The following ADRA2B variants were observed in gnomAD, a reference collection of about 807,000 sequenced individuals.
The protein encoded by ADRA2B is adrenoceptor alpha 2B.
Under a neutral mutation model 14.4 loss-of-function variants are expected in ADRA2B, and 14 were observed. The ratio of observed to expected loss-of-function variants is 0.97; its 90% CI spans 0.64 to 1.52. The LOEUF is 1.52. Among genes scored for constraint, ADRA2B ranks in the 40% most tolerant of loss-of-function variants. The pLI, the probability that ADRA2B is intolerant of heterozygous loss-of-function variation, is 0.00. For synonymous variants in ADRA2B, 250 were observed against 263.7 expected, an observed-to-expected ratio of 0.95 and a Z score of 0.50; for missense variants, 606 against 603.2, an observed-to-expected ratio of 1.00 and a Z score of -0.05.
chr2:96,114,581 AG>A lies in ADRA2B; in HGVS notation c.*215del. 1 of 1,407,328 alleles carries A rather than the reference AG, an allele frequency of 7.1e-7. No homozygotes were observed. Among genetic ancestry groups the A allele is most frequent in the South Asian group, 1.6e-5 (1 of 63,798 alleles). The allele number at this position is 1,407,328 out of a possible 1,614,324, so 87.2% of individuals were successfully genotyped here. A position where few individuals can be genotyped will look rare whatever the true frequency, so the allele number is the denominator to read the frequency against. On this transcript the variant is annotated 3_prime_UTR_variant, in exon 1 of 1. Coordinates refer to ENST00000620793, the MANE Select transcript of ADRA2B (RefSeq NM_000682.7). The stretch of plus-strand genomic sequence containing the variant: ...CCTGTGCTCAGGGAGAGGGTGGAGA[AG>A]GGGTCCCCCACAGCTAAGCCGGCAA...
At position 96,113,573 on chromosome 2, in the gene ADRA2B, C is replaced by T. The variant is rs1050102730; in HGVS notation, c.*1224G>A. ...TGGGGGCGCTGCCACCTGTCACAGG[C>T]TCTCATCTTAGACTGTTGCCGAGGT... On this transcript the variant is annotated 3_prime_UTR_variant, in exon 1 of 1. Transcript: ENST00000620793. 3.0e-5 allele frequency: 5 copies of T among 166,218 alleles called. No individual in the cohort carries two copies. The highest frequency in any genetic ancestry group is 1.2e-4 in the African/African-American group (5 of 42,064). 10.3% of individuals were successfully genotyped at this position (166,218 alleles called of 1,614,324 possible).
In ADRA2B at chr2:96,114,045, G is replaced by A; in HGVS notation, c.*752C>T. 1 of 985,864 alleles carries A rather than the reference G, an allele frequency of 1.0e-6. No homozygotes were observed. Among genetic ancestry groups the A allele is most frequent in the Non-Finnish European group, 1.2e-6 (1 of 829,950 alleles). The allele number at this position is 985,864 out of a possible 1,614,324, so 61.1% of individuals were successfully genotyped here. On this transcript the variant is annotated 3_prime_UTR_variant, in exon 1 of 1. Transcript: ENST00000620793. Reference sequence around the variant, plus strand: ...ATTGTCGCCCCGATTTTTGCAGGGGGTGAATGCCAGTGATCGGGGATCTCC... The same window carrying A: ...ATTGTCGCCCCGATTTTTGCAGGGGATGAATGCCAGTGATCGGGGATCTCC...
rs1479090340 is a variant in ADRA2B, at chr2:96,116,563, C to A, written c.-414G>T. ...CAGGCTTTCGCCCCAGCCGCGCCTG[C>A]AGGGGAGTGGGGAGCGGGGAGAGCG... On this transcript the variant is annotated 5_prime_UTR_variant, in exon 1 of 1. Coordinates refer to ENST00000620793, the MANE Select transcript of ADRA2B (RefSeq NM_000682.7). 6.6e-6 allele frequency among the ~76,000 whole-genome samples: 1 copy of A among 152,104 alleles called. No individual in the cohort carries two copies. Among genetic ancestry groups the A allele is most frequent in the Non-Finnish European group, 1.5e-5 (1 of 67,986 alleles).
At position 96,114,908 on chromosome 2, in the gene ADRA2B, G is replaced by A. The variant is rs541934198; in HGVS notation, c.1242C>T (p.Ile414=). 6.9e-5 allele frequency: 111 copies of A among 1,614,004 alleles called. No homozygotes were observed. In the South Asian group the frequency reaches 1.0e-3, roughly 15 times the overall value. The change falls in exon 1 of 1, where the codon ATC becomes ATT. Residue 414 remains isoleucine (I), a synonymous_variant. Coordinates refer to ENST00000620793, the MANE Select transcript of ADRA2B (RefSeq NM_000682.7). ...GGTTCAGTGAGCTGTTGCAGTAGCC[G>A]ATCCAGAAGAAGAACTGGAAGAGGC... ...PHGLFQFFFW[I]GYCNSSLNPV...
rs760448500 is a variant in ADRA2B at position 96,115,859 on chromosome 2, G to C, written c.291C>G (p.Thr97=). The change falls in exon 1 of 1, where the codon ACC becomes ACG. Residue 97 remains threonine, a synonymous_variant. Transcript: ENST00000620793. ...TGGCGCACAGGTGCACGATGGACGA[G>C]GTGCAGAAGAGCACGTCGAGCGCCA... The part of the protein sequence containing the change: ...VYLALDVLFC[T]SSIVHLCAIS... 1.8e-5 allele frequency: 29 copies of C among 1,613,522 alleles called. No homozygotes were observed. The highest frequency in any genetic ancestry group is 2.4e-5 in the Non-Finnish European group (28 of 1,179,752).
rs1367471314 is a variant in ADRA2B at position 96,114,452 on chromosome 2, G to A, written c.*345C>T. 3 of 1,061,294 alleles carry A rather than the reference G, an allele frequency of 2.8e-6. No homozygotes were observed. Among genetic ancestry groups the A allele is most frequent in the Admixed American group, 4.8e-5 (1 of 20,818 alleles). The allele number at this position is 1,061,294 out of a possible 1,614,324, so 65.7% of individuals were successfully genotyped here. On this transcript the variant is annotated 3_prime_UTR_variant, in exon 1 of 1. Coordinates refer to ENST00000620793, the MANE Select transcript of ADRA2B (RefSeq NM_000682.7). Reference sequence around the variant, plus strand: ...AGGAACACAAGGTCCTCAAGAAAGGGAAGCCCAGACATTGGTCTGGAGAGC... The same window carrying A: ...AGGAACACAAGGTCCTCAAGAAAGGAAAGCCCAGACATTGGTCTGGAGAGC...
rs768718519 is a variant in ADRA2B at position 96,115,838 on chromosome 2, G to T, written c.312C>A (p.Cys104Ter). 43 of 1,613,154 alleles carry T rather than the reference G, an allele frequency of 2.7e-5. No individual in the cohort carries two copies. Among genetic ancestry groups the T allele is most frequent in the Non-Finnish European group, 3.1e-5 (37 of 1,179,692 alleles). ...CCCAGTAGCGGTCCAGGCTGATGGC[G>T]CACAGGTGCACGATGGACGAGGTGC... The part of the protein sequence containing the change: ...LFCTSSIVHL[C>*]AISLDRYWAV... Residue 104 changes from cysteine (C) to a stop codon, truncating the protein, a stop_gained, in exon 1 of 1, where the codon TGC (cysteine) becomes TGA (stop). Coordinates refer to ENST00000620793, the MANE Select transcript of ADRA2B (RefSeq NM_000682.7). LOFTEE classifies it low-confidence loss of function (END_TRUNC).
At position 96,113,363 on chromosome 2, in the gene ADRA2B, T is replaced by A. The variant is rs1681792719; in HGVS notation, c.*1434A>T. 2.6e-6 allele frequency: 1 copy of A among 387,868 alleles called. No homozygotes were observed. The highest frequency in any genetic ancestry group is 4.6e-6 in the Non-Finnish European group (1 of 219,778). The allele number at this position is 387,868 out of a possible 1,614,324, so 24.0% of individuals were successfully genotyped here. A position where few individuals can be genotyped will look rare whatever the true frequency, so the allele number is the denominator to read the frequency against. ...ACTGAGAACCAGGAAGCAGGGGTCC[T>A]CAATGCACAGCCCCATCAGCATTGC... On this transcript the variant is annotated 3_prime_UTR_variant, in exon 1 of 1. Coordinates refer to ENST00000620793, the MANE Select transcript of ADRA2B (RefSeq NM_000682.7).
Position 96,115,937 on chromosome 2 carries a change from G to A in ADRA2B, c.213C>T (p.Ala71=). The A allele has an allele frequency of 6.2e-7, 1 of 1,613,818 alleles. No individual in the cohort carries two copies. Among genetic ancestry groups the A allele is most frequent in the Non-Finnish European group, 8.5e-7 (1 of 1,179,918 alleles). ...AGTACCAGTAGCCCAGCAGCTCGTT[G>A]GCCAGCGAGAAAGGGATGATGAGCG... ...VATLIIPFSL[A]NELLGYWYFR... Residue 71 remains alanine (A), a synonymous_variant, in exon 1 of 1, where the codon GCC becomes GCT. Transcript: ENST00000620793.
chr2:96,115,760 C>T lies in ADRA2B; in HGVS notation c.390G>A (p.Lys130=), dbSNP rs1223290326. 3 of 1,612,854 alleles carry T rather than the reference C, an allele frequency of 1.9e-6. No individual in the cohort carries two copies. Among genetic ancestry groups the T allele is most frequent in the East Asian group, 4.5e-5 (2 of 44,868 alleles). Residue 130 remains lysine, a synonymous_variant, in exon 1 of 1, where the codon AAG becomes AAA. Coordinates refer to ENST00000620793, the MANE Select transcript of ADRA2B (RefSeq NM_000682.7). ...YNSKRTPRRI[K]CIILTVWLIA... is the part of the protein sequence containing the mutation. Reference sequence around the variant, plus strand: ...TGAGCCACACAGTGAGGATGATGCACTTGATGCGGCGCGGGGTGCGCTTGG... The same window carrying T: ...TGAGCCACACAGTGAGGATGATGCATTTGATGCGGCGCGGGGTGCGCTTGG...
chr2:96,115,572 A>G lies in ADRA2B; in HGVS notation c.578T>C (p.Leu193Pro). Residue 193 changes from leucine (L) to proline (P), a missense_variant, in exon 1 of 1, where the codon CTG (leucine) becomes CCG (proline). Physicochemically the swap from Leu to Pro is moderately conservative, Grantham distance 98. Coordinates refer to ENST00000620793, the MANE Select transcript of ADRA2B (RefSeq NM_000682.7). ...GCGTTTGGCGATCAGGTAGATGCGC[A>G]GGTAGACAAGGATCATGATGAGGCA... is the stretch of plus-strand genomic sequence containing the variant. The part of the protein sequence containing the change: ...APCLIMILVY[L>P]RIYLIAKRSN... The G allele has an allele frequency of 1.2e-6, 2 of 1,613,920 alleles. No homozygotes were observed. Among genetic ancestry groups the G allele is most frequent in the East Asian group, 2.2e-5 (1 of 44,876 alleles).
Position 96,113,944 on chromosome 2 carries a change from T to C in ADRA2B, c.*853A>G. 3.0e-6 allele frequency: 3 copies of C among 985,878 alleles called. No homozygotes were observed. The highest frequency in any genetic ancestry group is 3.6e-6 in the Non-Finnish European group (3 of 829,942). The allele number at this position is 985,878 out of a possible 1,614,324, so 61.1% of individuals were successfully genotyped here. The stretch of plus-strand genomic sequence containing the variant: ...CACCATATAATCACATTTTTGGTTC[T>C]CTAGTGTGTTCCCCCACAGAGCTCA... On this transcript the variant is annotated 3_prime_UTR_variant, in exon 1 of 1. Transcript: ENST00000620793.
chr2:96,114,650 ACCCCTC>A lies in ADRA2B; in HGVS notation c.*141_*146del, dbSNP rs1681820491. ...ACCCTTGCTAGCAGCCCCCCTGCCC[ACCCCTC>A]CCAAGGGGTTCCTAAGATGAGGCCT... On this transcript the variant is annotated 3_prime_UTR_variant, in exon 1 of 1. Coordinates refer to ENST00000620793, the MANE Select transcript of ADRA2B (RefSeq NM_000682.7). 1 of 1,430,030 alleles carries A rather than the reference ACCCCTC, an allele frequency of 7.0e-7. No individual in the cohort carries two copies. Among genetic ancestry groups the A allele is most frequent in the African/African-American group, 1.4e-5 (1 of 69,528 alleles). The allele number at this position is 1,430,030 out of a possible 1,614,324, so 88.6% of individuals were successfully genotyped here.
Position 96,115,148 on chromosome 2 carries a change from C to G in ADRA2B, c.1002G>C (p.Arg334=). ...CCTGGCCACGTAGGGTGGCCAGCACCCGGGAGCCCTGTGGCTGCTGCAGCG... is the reference window on the plus strand; with the variant it reads ...CCTGGCCACGTAGGGTGGCCAGCACGCGGGAGCCCTGTGGCTGCTGCAGCG... ...SPPLQQPQGS[R]VLATLRGQVL... The change falls in exon 1 of 1, where the codon CGG becomes CGC. Residue 334 remains arginine (R), a synonymous_variant. Transcript: ENST00000620793. 1 of 1,591,032 alleles carries G rather than the reference C, an allele frequency of 6.3e-7. No homozygotes were observed. Among genetic ancestry groups the G allele is most frequent in the South Asian group, 1.1e-5 (1 of 88,560 alleles).
rs1384113839 is a variant in ADRA2B, at chr2:96,115,368, G to T, written c.782C>A (p.Thr261Asn). The change falls in exon 1 of 1, where the codon ACC becomes AAC. Residue 261 changes from threonine to asparagine, a missense_variant. Physicochemically the swap from Thr to Asn is moderately conservative, Grantham distance 65. Coordinates refer to ENST00000620793, the MANE Select transcript of ADRA2B (RefSeq NM_000682.7). ...GGCCCGGGTCCCAGTATCTTCAGGG[G>T]TCTCCCCCTCCTCCTTCTCCCCAGT... Reference protein sequence around the residue: ...KSTGEKEEGETPEDTGTRALP... With the variant: ...KSTGEKEEGENPEDTGTRALP... 1.2e-6 allele frequency: 2 copies of T among 1,606,250 alleles called. No individual in the cohort carries two copies. The highest frequency in any genetic ancestry group is 8.5e-7 in the Non-Finnish European group (1 of 1,175,074).
Position 96,115,128 on chromosome 2 carries a change from C to A in ADRA2B, c.1022G>T (p.Gly341Val), listed in dbSNP as rs1200551082. The A allele has an allele frequency of 2.5e-6, 4 of 1,605,884 alleles. No individual in the cohort carries two copies. The highest frequency in any genetic ancestry group is 2.3e-5 in the East Asian group (1 of 44,444). Residue 341 changes from glycine to valine, a missense_variant, in exon 1 of 1, where the codon GGC (glycine) becomes GTC (valine). By Grantham distance (109) the Gly-to-Val change is moderately radical (BLOSUM62 -3). Coordinates refer to ENST00000620793, the MANE Select transcript of ADRA2B (RefSeq NM_000682.7). ...CACGCCCCTGCCCAGGAGCACCTGG[C>A]CACGTAGGGTGGCCAGCACCCGGGA... Reference protein sequence around the residue: ...QGSRVLATLRGQVLLGRGVGA... With the variant: ...QGSRVLATLRVQVLLGRGVGA...
chr2:96,114,640 C>G lies in ADRA2B; in HGVS notation c.*157G>C, dbSNP rs1364704456. ...CTTCACTGGGACCCTTGCTAGCAGCCCCCCTGCCCACCCCTCCCAAGGGGT... is the reference window on the plus strand; with the variant it reads ...CTTCACTGGGACCCTTGCTAGCAGCGCCCCTGCCCACCCCTCCCAAGGGGT... On this transcript the variant is annotated 3_prime_UTR_variant, in exon 1 of 1. Transcript: ENST00000620793. 7.0e-7 allele frequency: 1 copy of G among 1,429,238 alleles called. No individual in the cohort carries two copies. Among genetic ancestry groups the G allele is most frequent in the East Asian group, 2.5e-5 (1 of 39,838 alleles). 88.5% of individuals were successfully genotyped at this position (1,429,238 alleles called of 1,614,324 possible). A position where few individuals can be genotyped will look rare whatever the true frequency, so the allele number is the denominator to read the frequency against.
In ADRA2B at chr2:96,114,399, C is replaced by T. The variant is rs764619276; in HGVS notation, c.*398G>A. ...GGGTGGGGGGGAGATGAAAAAGAAA[C>T]GAAAACACCACAAGCAAGTGACCTG... is the stretch of plus-strand genomic sequence containing the variant. On this transcript the variant is annotated 3_prime_UTR_variant, in exon 1 of 1. Transcript: ENST00000620793. 8.2e-5 allele frequency: 82 copies of T among 1,004,796 alleles called. No homozygotes were observed. The highest frequency in any genetic ancestry group is 5.0e-4 in the Middle Eastern group (1 of 1,992). 62.2% of individuals were successfully genotyped at this position (1,004,796 alleles called of 1,614,324 possible).
chr2:96,114,981 C>G lies in ADRA2B; in HGVS notation c.1169G>C (p.Ser390Thr), dbSNP rs1681829798. Residue 390 changes from serine to threonine, a missense_variant, in exon 1 of 1, where the codon AGC becomes ACC. Ser to Thr is a moderately conservative substitution (Grantham distance 58). Coordinates refer to ENST00000620793, the MANE Select transcript of ADRA2B (RefSeq NM_000682.7). ...CGGGCAGATGGCTCCCAGGCTGTAG[C>G]TGAAGAAGAAGGGGAACCAGCAGAG... is the stretch of plus-strand genomic sequence containing the variant. ...FVLCWFPFFF[S>T]YSLGAICPKH... 2 of 1,613,374 alleles carry G rather than the reference C, an allele frequency of 1.2e-6. No individual in the cohort carries two copies. Among genetic ancestry groups the G allele is most frequent in the South Asian group, 2.2e-5 (2 of 91,026 alleles).
Sources: gnomAD v4.1 joint callset for allele counts (sites outside exome capture counted in the v4.1 genomes callset) on GRCh38, gnomAD v4.1.1 for gene constraint, MANE v1.5 for transcripts, NCBI Gene and HGNC (gene_info 2026-07-23, HGNC 2026-07-21) for gene names.